The following TRAP1 variants were observed in gnomAD, a reference collection of about 807,000 sequenced individuals.
TRAP1 encodes the protein TNF receptor associated protein 1.
A neutral mutation model predicts 89.1 loss-of-function variants in TRAP1; 102 were observed. The ratio of observed to expected loss-of-function variants is 1.15; its 90% CI spans 0.98 to 1.35. The LOEUF (loss-of-function observed/expected upper bound fraction) is 1.35. Among genes scored for constraint, TRAP1 ranks in the 40% most tolerant of loss-of-function variants. TRAP1 has a pLI of 0.00. For missense variants in TRAP1, 1,256 were observed against 945.3 expected, an observed-to-expected ratio of 1.33 and a Z score of -4.31; for synonymous variants, 508 against 388.0, an observed-to-expected ratio of 1.31 and a Z score of -3.64.
intron 1 of TRAP1, 82 bp from the exon 2 acceptor site, chr16:3,691,067 T>G (rs1233383107): frequency 3.1e-6 from 4 of 1,291,556 alleles, no homozygotes; most frequent in Non-Finnish European, 3.1e-6. Context: ...CAAGGGTGTC[T>G]AGCAGAAGCT....
Position 3,672,710 on chromosome 16 carries a change from G to T in TRAP1, c.1155C>A (p.Arg385=). 1 of 1,608,904 alleles carries T rather than the reference G, an allele frequency of 6.2e-7. No homozygotes were observed. Among genetic ancestry groups the T allele is most frequent in the Non-Finnish European group, 8.5e-7 (1 of 1,178,044 alleles). The stretch of plus-strand genomic sequence containing the variant: ...CTCTGAGCAGCGTACCTCGGATGAA[G>T]CGCAGCCACTTGGGCAGGATGTCCG... ...KATDILPKWL[R]FIRGVVDSED... Residue 385 remains arginine, a synonymous_variant, in exon 10 of 18, where the codon CGC becomes CGA. Coordinates refer to ENST00000246957, the MANE Select transcript of TRAP1 (RefSeq NM_016292.3).
intron 16 of TRAP1, 187 bp from the exon 17 acceptor site, chr16:3,659,052 G>C: frequency 1.6e-6 from 1 of 608,274 alleles, no homozygotes; most frequent in Admixed American, 3.3e-5. Context: ...AGAGAATCAG[G>C]AGTGTCAGTA....
chr16:3,708,497 C>CGTGGTGACGGGTGCCT (rs1567246854), intron 1 of TRAP1, among the ~76,000 whole-genome samples: 1 of 151,776 alleles, frequency 6.6e-6, no homozygotes, highest in Non-Finnish European at 1.5e-5. Context: ...ATTAGCCGGG[C>CGTGGTGACGGGTGCCT]GTGGTGACGG....
chr16:3,672,427 C>A (rs925653985), intron 10 of TRAP1, among the ~76,000 whole-genome samples: 1 of 152,140 alleles, frequency 6.6e-6, no homozygotes, highest in Non-Finnish European at 1.5e-5. Context: ...TCAAACGTAA[C>A]ACAACTCACA....
At chr16:3,698,997 A>G (rs751812629) in intron 1 of TRAP1, among the ~76,000 whole-genome samples, 8 of 152,094 alleles carry the variant, frequency 5.3e-5, no homozygotes, top group East Asian at 1.9e-4. Flanking sequence ...TTTCTCCTAC[A>G]CCCTAAAGGA....
chr16:3,658,148 T>C lies in TRAP1; in HGVS notation c.2096A>G (p.Lys699Arg), dbSNP rs1413072168. The C allele has an allele frequency of 6.2e-7, 1 of 1,613,954 alleles. No individual in the cohort carries two copies. Among genetic ancestry groups the C allele is most frequent in the African/African-American group, 1.3e-5 (1 of 74,926 alleles). ...TGGCTGTCAGTGTCGCTCCAGGGCC[T>C]TGACAAGCAGCTCATTCAAGCGGCC... ...MVGRLNELLV[K>R]ALERH is the part of the protein sequence containing the mutation. The change falls in exon 18 of 18, where the codon AAG becomes AGG. Residue 699 changes from lysine to arginine, a missense_variant. Physicochemically the swap from Lys to Arg is conservative, Grantham distance 26. Coordinates refer to ENST00000246957, the MANE Select transcript of TRAP1 (RefSeq NM_016292.3).
intron 1 of TRAP1, among the ~76,000 whole-genome samples, chr16:3,705,454 A>G (rs377105662): frequency 2.5e-3 from 382 of 152,172 alleles, no homozygotes; most frequent in African/African-American, 8.8e-3. Flanking sequence ...AGCTCTTGGC[A>G]ACTACTCATC....
At position 3,677,640 on chromosome 16, in the gene TRAP1, G is replaced by A; in HGVS notation, c.562C>T (p.Gln188Ter). The A allele has an allele frequency of 1.2e-6, 2 of 1,613,962 alleles. No individual in the cohort carries two copies. The highest frequency in any genetic ancestry group is 1.3e-5 in the African/African-American group (1 of 75,052). The change falls in exon 6 of 18, where the codon CAG becomes TAG. Residue 188 changes from glutamine (Q) to a stop codon, truncating the protein, a stop_gained. Transcript: ENST00000246957. LOFTEE classifies it high-confidence loss of function. The stretch of plus-strand genomic sequence containing the variant: ...TTGCTGCTGGCCTCAGCCTGGTTCT[G>A]CAGAGCATCCAGGAAGGCCTGTGGG... ...SGSKAFLDAL[Q>*]NQAEASSKII...
intron 1 of TRAP1, among the ~76,000 whole-genome samples, chr16:3,711,032 GAAA>G (rs147569014): frequency 7.5e-6 from 1 of 133,906 alleles, no homozygotes. Context: ...CAGCTAATTG[GAAA>G]AAAAAAAAAA....
chr16:3,667,518 G>C (rs2050852277), intron 11 of TRAP1, among the ~76,000 whole-genome samples: 1 of 151,544 alleles, frequency 6.6e-6, no homozygotes, highest in Non-Finnish European at 1.5e-5. Context: ...CCAGCTACTT[G>C]AAAGGCTGAG....
rs186686687 is a variant in TRAP1, at chr16:3,675,794, C to T, written c.814+242G>A. 6.4e-3 allele frequency among the ~76,000 whole-genome samples: 972 copies of T among 152,320 alleles called. 9 individuals carry two copies. Among genetic ancestry groups the T allele is most frequent in the Non-Finnish European group, 0.012 (790 of 68,008 alleles). On this transcript the variant is annotated intron_variant, in intron 7 of 17. Coordinates refer to ENST00000246957, the MANE Select transcript of TRAP1 (RefSeq NM_016292.3). ...CAGGTGCACTAAAGGCCAAGGGCCACGCAGAGGAAGGAGGAGGAGGTCCGC... is the reference window on the plus strand; with the variant it reads ...CAGGTGCACTAAAGGCCAAGGGCCATGCAGAGGAAGGAGGAGGAGGTCCGC...
chr16:3,690,685 A>G (rs2051201740), intron 2 of TRAP1, 142 bp downstream of exon 2: 4 of 881,892 alleles, frequency 4.5e-6, no homozygotes, highest in Non-Finnish European at 4.7e-6. Flanking sequence ...TGGAGGGCGC[A>G]GCACTCCCTA....
chr16:3,664,508 A>T, intron 12 of TRAP1, 49 bp from the exon 13 acceptor site: 1 of 1,551,114 alleles, frequency 6.4e-7, no homozygotes, highest in Non-Finnish European at 8.7e-7. Context: ...CATGGGCTCA[A>T]TGTTGCCCAA....
In TRAP1 at chr16:3,680,305, G is replaced by A. The variant is rs115184729; in HGVS notation, c.472-515C>T. Among the ~76,000 whole-genome samples, 1,092 of 152,092 alleles carry A rather than the reference G, an allele frequency of 7.2e-3. 14 individuals are homozygous for A. Among genetic ancestry groups the A allele is most frequent in the African/African-American group, 0.024 (1,009 of 41,486 alleles). On this transcript the variant is annotated intron_variant, in intron 4 of 17. Transcript: ENST00000246957. The stretch of plus-strand genomic sequence containing the variant: ...AGCTTGGCCTCACCAGAGAAAACAG[G>A]AAGGGACAGCAGAAAGTTGCTTTGT...
At chr16:3,716,010 G>C (rs1002054012) in intron 1 of TRAP1, among the ~76,000 whole-genome samples, 3 of 152,018 alleles carry the variant, frequency 2.0e-5, no homozygotes. Flanking sequence ...TTACAGGCGC[G>C]CGCCACCACA....
intron 16 of TRAP1, chr16:3,661,644 G>A (rs557408091): frequency 7.2e-4 from 180 of 248,690 alleles, no homozygotes; most frequent in African/African-American, 3.8e-3. Flanking sequence ...AGTGAGCAAC[G>A]TGAGACTTCA....
chr16:3,672,910 G>A, intron 9 of TRAP1, 90 bp from the exon 10 acceptor site: 1 of 1,486,890 alleles, frequency 6.7e-7, no homozygotes, highest in Non-Finnish European at 8.9e-7. Context: ...GATGAATCCA[G>A]AGCCCACTCC....
chr16:3,696,362 T>G (rs2051287250), intron 1 of TRAP1, among the ~76,000 whole-genome samples: 1 of 152,204 alleles, frequency 6.6e-6, no homozygotes, highest in African/African-American at 2.4e-5. Flanking sequence ...TAGGACAATC[T>G]GTGCGGCAAA....
intron 1 of TRAP1, among the ~76,000 whole-genome samples, chr16:3,715,037 G>A (rs911572717): frequency 4.6e-5 from 7 of 152,188 alleles, no homozygotes; most frequent in African/African-American, 1.7e-4. Flanking sequence ...CACCTGCCAC[G>A]CAGAAGGCTG....
Sources: gnomAD v4.1 joint callset for allele counts (sites outside exome capture counted in the v4.1 genomes callset) on GRCh38, gnomAD v4.1.1 for gene constraint, MANE v1.5 for transcripts, NCBI Gene and HGNC (gene_info 2026-07-23, HGNC 2026-07-21) for gene names.